MECOM: variants seen among roughly 807,000 people sequenced by gnomAD.
The protein encoded by MECOM is histone-lysine N-methyltransferase MECOM.
In MECOM, 13 loss-of-function variants were observed where a neutral mutation model predicts 116.3. The observed-to-expected ratio is 0.11, with a 90% CI of 0.07 to 0.18. MECOM has a LOEUF of 0.18. Among genes scored for constraint, MECOM ranks in the 10% least tolerant of loss-of-function variants. MECOM has a pLI of 1.00. For synonymous variants in MECOM, 528 were observed against 535.2 expected (o/e 0.99, Z 0.19); for missense variants, 1,299 against 1,509.0 (o/e 0.86, Z 2.31).
chr3:169,189,223 C>A (rs925731028), intron 2 of MECOM, among the ~76,000 whole-genome samples: 1 of 151,946 alleles, frequency 6.6e-6, no homozygotes, highest in Non-Finnish European at 1.5e-5. Context: ...AAGTCCTTTA[C>A]CTAAAGAGTG....
intron 3 of MECOM, among the ~76,000 whole-genome samples, chr3:169,139,681 A>G (rs1039289242): frequency 3.3e-5 from 5 of 151,966 alleles, no homozygotes; most frequent in African/African-American, 1.2e-4. Flanking sequence ...CCAGAGAACT[A>G]CTCCATAAGT....
At chr3:169,095,379 T>A (rs1266526907) in intron 12 of MECOM, 134 bp from the exon 13 acceptor site, 10 of 626,342 alleles carry the variant, frequency 1.6e-5, no homozygotes, top group Non-Finnish European at 2.6e-5. Context: ...AGAATACTAT[T>A]CACACAATTA....
At chr3:169,385,223 C>A (rs887680664) in intron 1 of MECOM, among the ~76,000 whole-genome samples, 1 of 151,978 alleles carries the variant, frequency 6.6e-6, no homozygotes. Flanking sequence ...TAAGCGAGTG[C>A]ATTTAGATTT....
At chr3:169,448,624 C>A (rs1309451437) in intron 1 of MECOM, among the ~76,000 whole-genome samples, 2 of 152,100 alleles carry the variant, frequency 1.3e-5, no homozygotes, top group African/African-American at 4.8e-5. Flanking sequence ...GCATGTGAGA[C>A]CCCTGGCCTG....
intron 2 of MECOM, among the ~76,000 whole-genome samples, chr3:169,242,742 T>A (rs1447386904): frequency 6.6e-6 from 1 of 152,192 alleles, no homozygotes; most frequent in Admixed American, 6.5e-5. Flanking sequence ...TTGGTGATCC[T>A]ACTCTCATGG....
At position 169,283,878 on chromosome 3, in the gene MECOM, G is replaced by T. The variant is rs146995086; in HGVS notation, c.375+97309C>A. Reference sequence around the variant, plus strand: ...CTGATAGTTGGTAATACTAATATTTGTGTCATGTTATCAAAAACATTTCCC... The same window carrying T: ...CTGATAGTTGGTAATACTAATATTTTTGTCATGTTATCAAAAACATTTCCC... On this transcript the variant is annotated intron_variant, in intron 2 of 16. Transcript: ENST00000651503. Among the ~76,000 whole-genome samples, 15 of 152,042 alleles carry T rather than the reference G, an allele frequency of 9.9e-5. No individual in the cohort carries two copies. In the East Asian group the frequency reaches 2.3e-3, roughly 24 times the overall value.
At position 169,393,106 on chromosome 3, in the gene MECOM, G is replaced by A. The variant is rs373684305; in HGVS notation, c.38-11582C>T. Among the ~76,000 whole-genome samples the A allele has an allele frequency of 2.2e-4, 34 of 152,204 alleles. No homozygotes were observed. The East Asian group carries it at 4.3e-3, about 19-fold the overall frequency. On this transcript the variant is annotated intron_variant, in intron 1 of 16. Transcript: ENST00000651503. ...GGCCCAGAAGTTCTATTGTGAATAG[G>A]TAGGACTGCTGTGATACCAGTGAAA...
At chr3:169,455,750 C>T (rs999182804) in intron 1 of MECOM, among the ~76,000 whole-genome samples, 1 of 152,160 alleles carries the variant, frequency 6.6e-6, no homozygotes, top group African/African-American at 2.4e-5. Flanking sequence ...CAGCCCCTTC[C>T]ACCAGTCTTA....
chr3:169,593,002 T>G (rs1246343271), intron 1 of MECOM, among the ~76,000 whole-genome samples: 1 of 152,228 alleles, frequency 6.6e-6, no homozygotes, highest in East Asian at 1.9e-4. Context: ...ATGCCTTCAT[T>G]TATTATTCAT....
At chr3:169,646,241 A>G (rs888198158) in intron 1 of MECOM, among the ~76,000 whole-genome samples, 1 of 145,444 alleles carries the variant, frequency 6.9e-6, no homozygotes, top group African/African-American at 2.5e-5. Flanking sequence ...TCTCACTCAT[A>G]GGTGTGAATT....
chr3:169,202,384 C>A (rs74574785), intron 2 of MECOM, among the ~76,000 whole-genome samples: 2,134 of 152,074 alleles, frequency 0.014, 34 homozygotes, highest in Non-Finnish European at 0.021. Context: ...TGGCAATCAC[C>A]AAATTAGGTG....
At chr3:169,591,825 C>T (rs1382018829) in intron 1 of MECOM, among the ~76,000 whole-genome samples, 1 of 152,164 alleles carries the variant, frequency 6.6e-6, no homozygotes, top group Non-Finnish European at 1.5e-5. Flanking sequence ...AAATTCTTTC[C>T]TAAAAGGAAA....
intron 1 of MECOM, among the ~76,000 whole-genome samples, chr3:169,632,677 C>T: frequency 6.6e-6 from 1 of 152,148 alleles, no homozygotes; most frequent in Non-Finnish European, 1.5e-5. Flanking sequence ...CGTGCAAACA[C>T]CAGAAAAACT....
intron 5 of MECOM, among the ~76,000 whole-genome samples, chr3:169,127,630 T>G (rs2901381): frequency 0.54 from 81,630 of 151,992 alleles, 23,079 homozygotes; most frequent in Admixed American, 0.66. Context: ...TATAACATTA[T>G]TTTTCATCTG....
chr3:169,563,084 A>T (rs1485645820), intron 1 of MECOM, among the ~76,000 whole-genome samples: 1 of 147,172 alleles, frequency 6.8e-6, no homozygotes, highest in Non-Finnish European at 1.5e-5. Flanking sequence ...AAAAAAAAAA[A>T]TGCTGATAAG....
chr3:169,497,342 CTTTTTCTTTTT>C (rs1753936550), intron 1 of MECOM, among the ~76,000 whole-genome samples: 1 of 150,094 alleles, frequency 6.7e-6, no homozygotes, highest in African/African-American at 2.4e-5. Flanking sequence ...TTCTCTTTTT[CTTTTTCTTTTT>C]TTTTTCTTTT....
At chr3:169,572,972 T>C (rs1304823978) in intron 1 of MECOM, among the ~76,000 whole-genome samples, 1 of 150,900 alleles carries the variant, frequency 6.6e-6, no homozygotes, top group Non-Finnish European at 1.5e-5. Context: ...GAACTTAAAG[T>C]ATAAGAAAAA....
intron 2 of MECOM, among the ~76,000 whole-genome samples, chr3:169,270,138 C>G (rs150850182): frequency 4.6e-5 from 7 of 152,008 alleles, no homozygotes; most frequent in Non-Finnish European, 8.8e-5. Context: ...TCACTGATCC[C>G]GGTAAGAAAG....
chr3:169,097,262 C>A (rs1195467192), intron 12 of MECOM, among the ~76,000 whole-genome samples: 5 of 152,088 alleles, frequency 3.3e-5, no homozygotes, highest in African/African-American at 1.2e-4. Flanking sequence ...TAAGCACCAT[C>A]TTCTCAAATC....
Sources: gnomAD v4.1 joint callset for allele counts (sites outside exome capture counted in the v4.1 genomes callset) on GRCh38, gnomAD v4.1.1 for gene constraint, MANE v1.5 for transcripts, NCBI Gene and HGNC (gene_info 2026-07-23, HGNC 2026-07-21) for gene names.